The following UBAC2 variants were observed in gnomAD, a reference collection of about 807,000 sequenced individuals.
The protein encoded by UBAC2 is ubiquitin-associated domain-containing protein 2.
UBAC2 carries 26 observed loss-of-function variants against 44.0 expected under a neutral mutation model. That is an observed-to-expected ratio of 0.59 (90% CI 0.43 to 0.82). The LOEUF (loss-of-function observed/expected upper bound fraction) is 0.82. Ranked by LOEUF, UBAC2 falls within the 40% of genes least tolerant of loss-of-function variation. The probability of loss-of-function intolerance (pLI) is 0.00; values close to 1 mark genes in which losing one functional copy is unlikely to be tolerated. For missense variants in UBAC2, 329 were observed against 419.4 expected, an observed-to-expected ratio of 0.78 and a Z score of 1.88; for synonymous variants, 155 against 154.3, an observed-to-expected ratio of 1.00 and a Z score of -0.04.
At chr13:99,251,914 G>A (rs900203956) in intron 4 of UBAC2, among the ~76,000 whole-genome samples, 1 of 152,106 alleles carries the variant, frequency 6.6e-6, no homozygotes, top group Non-Finnish European at 1.5e-5. Context: ...AGGAGCAAGC[G>A]TATACCCCTT....
At position 99,200,876 on chromosome 13, in the gene UBAC2, G is replaced by A. The variant is rs1300845892; in HGVS notation, c.-33G>A. ...CTCGCACTTCAGCTTCCCCTCCCCC[G>A]GCGCCCTCTGGGGCTCCGAGCCCGG... On this transcript the variant is annotated 5_prime_UTR_variant, in exon 1 of 9. Coordinates refer to ENST00000403766, the MANE Select transcript of UBAC2 (RefSeq NM_001144072.2). The A allele has an allele frequency of 3.9e-6, 5 of 1,297,356 alleles. No individual in the cohort carries two copies. The highest frequency in any genetic ancestry group is 3.0e-5 in the African/African-American group (2 of 65,704). 80.4% of individuals were successfully genotyped at this position (1,297,356 alleles called of 1,614,324 possible). A position where few individuals can be genotyped will look rare whatever the true frequency, so the allele number is the denominator to read the frequency against.
At chr13:99,244,716 T>C (rs1175345564) in intron 4 of UBAC2, 92 bp downstream of exon 4, 12 of 753,964 alleles carry the variant, frequency 1.6e-5, no homozygotes, top group African/African-American at 5.3e-5. Flanking sequence ...TAAAATAATA[T>C]TTTAAACTTC....
At chr13:99,364,984 A>G (rs1594174085) in intron 7 of UBAC2, among the ~76,000 whole-genome samples, 1 of 152,234 alleles carries the variant, frequency 6.6e-6, no homozygotes, top group Admixed American at 6.5e-5. Flanking sequence ...TGAGTCTCAC[A>G]TATGGCTCAG....
intron 8 of UBAC2, among the ~76,000 whole-genome samples, chr13:99,368,688 AGTGT>A (rs35193753): frequency 0.13 from 18,688 of 146,516 alleles, 1,207 homozygotes; most frequent in East Asian, 0.27. Context: ...CTCATGAGAG[AGTGT>A]GTGTGTGTGT....
At chr13:99,217,264 G>A (rs546446422) in intron 1 of UBAC2, among the ~76,000 whole-genome samples, 50 of 152,330 alleles carry the variant, frequency 3.3e-4, no homozygotes, top group Middle Eastern at 3.4e-3. Context: ...ATTAGGTGCT[G>A]AAGGGCCACT....
At chr13:99,229,796 A>T (rs1052539841) in intron 1 of UBAC2, among the ~76,000 whole-genome samples, 2 of 152,238 alleles carry the variant, frequency 1.3e-5, no homozygotes, top group African/African-American at 4.8e-5. Context: ...ATAGTTATAA[A>T]TGCATAGGGA....
chr13:99,339,950 G>C (rs1004607502), intron 6 of UBAC2, among the ~76,000 whole-genome samples: 1 of 152,198 alleles, frequency 6.6e-6, no homozygotes, highest in Non-Finnish European at 1.5e-5. Context: ...ATGGCCATCT[G>C]CCAACAAAGG....
At chr13:99,247,008 T>C (rs1465030446) in intron 4 of UBAC2, among the ~76,000 whole-genome samples, 2 of 152,166 alleles carry the variant, frequency 1.3e-5, no homozygotes, top group Non-Finnish European at 2.9e-5. Context: ...ATTTTTATTA[T>C]TATTTTTGGT....
intron 4 of UBAC2, among the ~76,000 whole-genome samples, chr13:99,260,471 C>T (rs879324602): frequency 9.9e-5 from 15 of 152,130 alleles, no homozygotes; most frequent in Non-Finnish European, 1.9e-4. Flanking sequence ...GACACTTTGA[C>T]CAGCTTATGA....
intron 1 of UBAC2, among the ~76,000 whole-genome samples, chr13:99,205,184 G>C (rs773814638): frequency 3.9e-5 from 6 of 152,220 alleles, no homozygotes; most frequent in Non-Finnish European, 7.3e-5. Flanking sequence ...TTATAGGCGT[G>C]AGCCACTGTG....
At chr13:99,248,511 T>A (rs1286162056) in intron 4 of UBAC2, among the ~76,000 whole-genome samples, 1 of 151,926 alleles carries the variant, frequency 6.6e-6, no homozygotes, top group Non-Finnish European at 1.5e-5. Context: ...TCTGCCTTAG[T>A]CTCCTAAGTG....
intron 8 of UBAC2, among the ~76,000 whole-genome samples, chr13:99,383,919 T>C (rs1172708744): frequency 6.6e-6 from 1 of 152,256 alleles, no homozygotes; most frequent in Non-Finnish European, 1.5e-5. Flanking sequence ...CTCTGCACCT[T>C]CTTCCTCACC....
At chr13:99,257,339 T>C (rs1191017269) in intron 4 of UBAC2, among the ~76,000 whole-genome samples, 2 of 152,214 alleles carry the variant, frequency 1.3e-5, no homozygotes, top group African/African-American at 2.4e-5. Flanking sequence ...TGCATTCTTA[T>C]TAAATAGTAG....
At chr13:99,216,244 A>G (rs2042994164) in intron 1 of UBAC2, among the ~76,000 whole-genome samples, 1 of 152,040 alleles carries the variant, frequency 6.6e-6, no homozygotes, top group African/African-American at 2.4e-5. Context: ...AGCTAGGATT[A>G]TAGATGCCCG....
At chr13:99,331,329 T>C (rs1259222652) in intron 6 of UBAC2, among the ~76,000 whole-genome samples, 1 of 152,254 alleles carries the variant, frequency 6.6e-6, no homozygotes, top group Admixed American at 6.5e-5. Context: ...AAGCCACTGT[T>C]GTTTGAAGTT....
chr13:99,384,981 C>T (rs1012999961), intron 8 of UBAC2, among the ~76,000 whole-genome samples: 2 of 152,242 alleles, frequency 1.3e-5, no homozygotes, highest in African/African-American at 4.8e-5. Flanking sequence ...CCTCAGAAGC[C>T]CTGTGTCCTT....
intron 4 of UBAC2, among the ~76,000 whole-genome samples, chr13:99,253,326 G>A (rs1365031897): frequency 6.6e-6 from 1 of 152,108 alleles, no homozygotes; most frequent in Non-Finnish European, 1.5e-5. Flanking sequence ...GTTTCTAGGT[G>A]TGGTTCTTGA....
At chr13:99,363,719 C>T (rs1320117029) in intron 7 of UBAC2, among the ~76,000 whole-genome samples, 1 of 152,158 alleles carries the variant, frequency 6.6e-6, no homozygotes, top group Non-Finnish European at 1.5e-5. Context: ...GCAAGTCACA[C>T]GTATATACAC....
At chr13:99,287,964 A>G (rs563753256) in intron 4 of UBAC2, among the ~76,000 whole-genome samples, 1 of 152,328 alleles carries the variant, frequency 6.6e-6, no homozygotes, top group Admixed American at 6.5e-5. Context: ...ATTTATTTTT[A>G]TAGGCTAATA....
Sources: gnomAD v4.1 joint callset for allele counts (sites outside exome capture counted in the v4.1 genomes callset) on GRCh38, gnomAD v4.1.1 for gene constraint, MANE v1.5 for transcripts, NCBI Gene and HGNC (gene_info 2026-07-23, HGNC 2026-07-21) for gene names.